Variants in RELN observed in about 807,000 individuals in gnomAD.
RELN encodes reelin.
Under a neutral mutation model 427.6 loss-of-function variants are expected in RELN, and 108 were observed. The ratio of observed to expected loss-of-function variants is 0.25; its 90% CI spans 0.22 to 0.30. The LOEUF (loss-of-function observed/expected upper bound fraction) is 0.30. RELN is among the 10% of genes least tolerant of loss of function. The pLI is 1.00. For missense variants in RELN, 3,715 were observed against 4,302.8 expected (o/e 0.86, Z 3.82); for synonymous variants, 1,524 against 1,513.4 (o/e 1.01, Z -0.16).
At chr7:103,977,288 G>A (rs570332529) in intron 1 of RELN, among the ~76,000 whole-genome samples, 3 of 129,078 alleles carry the variant, frequency 2.3e-5, no homozygotes, top group Non-Finnish European at 4.6e-5. Context: ...TCCAGCCTGG[G>A]TGACAGAGTG....
chr7:103,750,201 C>T (rs1183037435), intron 5 of RELN, among the ~76,000 whole-genome samples: 3 of 152,196 alleles, frequency 2.0e-5, no homozygotes, highest in Non-Finnish European at 4.4e-5. Flanking sequence ...TGGTCTTGAA[C>T]TCCTGACCTC....
In RELN at chr7:103,574,298, A is replaced by T; in HGVS notation, c.4305T>A (p.Ala1435=). The change falls in exon 30 of 65, where the codon GCT becomes GCA. Residue 1435 remains alanine, a splice_region_variant and synonymous_variant. Coordinates refer to ENST00000428762, the MANE Select transcript of RELN (RefSeq NM_005045.4). Reference sequence around the variant, plus strand: ...CATTTGACACACAGGTTCCTTGTGCAGCTTCAGAAAAAGAAATAGAGAGGA... The same window carrying T: ...CATTTGACACACAGGTTCCTTGTGCTGCTTCAGAAAAAGAAATAGAGAGGA... ...GVCFCDLGYT[A]AQGTCVSNVP... 6.2e-7 allele frequency: 1 copy of T among 1,613,808 alleles called. No homozygotes were observed. Among genetic ancestry groups the T allele is most frequent in the Non-Finnish European group, 8.5e-7 (1 of 1,179,676 alleles).
chr7:103,677,578 T>C (rs994410047), intron 11 of RELN, among the ~76,000 whole-genome samples: 14 of 149,454 alleles, frequency 9.4e-5, no homozygotes, highest in Non-Finnish European at 1.8e-4. Flanking sequence ...CGAGCCTGGC[T>C]AACATAGTGA....
At chr7:103,492,461 G>T (rs963129883) in intron 57 of RELN, among the ~76,000 whole-genome samples, 1 of 152,064 alleles carries the variant, frequency 6.6e-6, no homozygotes, top group Non-Finnish European at 1.5e-5. Context: ...ATTCGTTCTT[G>T]GGGTTTTCTG....
rs768149421 is a variant in RELN, at chr7:103,682,309, G to A, written c.1144-48C>T. The stretch of plus-strand genomic sequence containing the variant: ...GGGTGGCTGTTGAATTGGTGTTGTA[G>A]CTGTATCTGTCTTACTCATGTATAA... On this transcript the variant is annotated intron_variant, in intron 10 of 64. Transcript: ENST00000428762. The A allele has an allele frequency of 4.4e-6, 7 of 1,601,630 alleles. No homozygotes were observed. In the Admixed American group the frequency reaches 6.7e-5, roughly 15 times the overall value.
intron 8 of RELN, among the ~76,000 whole-genome samples, chr7:103,711,585 T>C (rs1192390428): frequency 6.6e-6 from 1 of 152,206 alleles, no homozygotes; most frequent in Non-Finnish European, 1.5e-5. Context: ...AAAATATTTA[T>C]ATATGGAAAT....
chr7:103,688,017 G>C (rs1037469551), intron 10 of RELN, among the ~76,000 whole-genome samples: 3 of 151,994 alleles, frequency 2.0e-5, no homozygotes. Flanking sequence ...CCTCTTATTA[G>C]CTTAACAAAT....
chr7:103,635,197 C>A (rs1832552176), intron 19 of RELN, among the ~76,000 whole-genome samples: 1 of 152,034 alleles, frequency 6.6e-6, no homozygotes, highest in African/African-American at 2.4e-5. Flanking sequence ...AAAATATTTC[C>A]CTTAGATCCA....
chr7:103,760,330 T>TAG (rs1008285837), intron 4 of RELN, among the ~76,000 whole-genome samples: 11 of 152,198 alleles, frequency 7.2e-5, no homozygotes, highest in Non-Finnish European at 1.2e-4. Context: ...CAGAATCTCA[T>TAG]AGATCACAGC....
intron 8 of RELN, among the ~76,000 whole-genome samples, chr7:103,704,066 C>T (rs1210681693): frequency 6.6e-6 from 1 of 152,104 alleles, no homozygotes; most frequent in African/African-American, 2.4e-5. Flanking sequence ...TTCTATGCCC[C>T]CAGTTTGGGA....
chr7:103,911,061 C>T (rs201729252), intron 2 of RELN, among the ~76,000 whole-genome samples: 25,109 of 134,200 alleles, frequency 0.19, 2,443 homozygotes, highest in African/African-American at 0.29. Flanking sequence ...TCAGAGTGAA[C>T]AGGCAACCTA....
At chr7:103,978,748 C>G (rs1796931731) in intron 1 of RELN, among the ~76,000 whole-genome samples, 1 of 152,180 alleles carries the variant, frequency 6.6e-6, no homozygotes, top group Admixed American at 6.5e-5. Context: ...TTGGAGTTCT[C>G]TATGTTTAAA....
At chr7:103,690,793 T>C (rs1432883450) in intron 10 of RELN, among the ~76,000 whole-genome samples, 1 of 152,066 alleles carries the variant, frequency 6.6e-6, no homozygotes. Flanking sequence ...CCTACCTCCT[T>C]GATAGTGAAC....
At chr7:103,580,846 C>G (rs1328557745) in intron 28 of RELN, among the ~76,000 whole-genome samples, 1 of 152,168 alleles carries the variant, frequency 6.6e-6, no homozygotes, top group Non-Finnish European at 1.5e-5. Flanking sequence ...GATTTGTATT[C>G]CTTGGCTCCT....
chr7:103,908,055 G>T (rs148802920), intron 2 of RELN, among the ~76,000 whole-genome samples: 1 of 152,042 alleles, frequency 6.6e-6, no homozygotes, highest in African/African-American at 2.4e-5. Flanking sequence ...AACATGAGGT[G>T]GACACCTGGT....
At chr7:103,765,071 A>G (rs889529703) in intron 4 of RELN, among the ~76,000 whole-genome samples, 2 of 151,534 alleles carry the variant, frequency 1.3e-5, no homozygotes, top group Non-Finnish European at 3.0e-5. Context: ...GCCTGGCGAC[A>G]CACACTGCTC....
chr7:103,745,377 A>G (rs546713082), intron 6 of RELN, among the ~76,000 whole-genome samples: 1 of 151,928 alleles, frequency 6.6e-6, no homozygotes, highest in South Asian at 2.1e-4. Context: ...GCCCTCTCTC[A>G]CCACTCCTAT....
intron 2 of RELN, among the ~76,000 whole-genome samples, chr7:103,855,689 C>T (rs1378448917): frequency 6.6e-6 from 1 of 152,148 alleles, no homozygotes; most frequent in Non-Finnish European, 1.5e-5. Context: ...ATCAAGGTGT[C>T]AACAGGGTTA....
At chr7:103,921,794 C>G (rs141599561) in intron 1 of RELN, among the ~76,000 whole-genome samples, 69 of 152,226 alleles carry the variant, frequency 4.5e-4, no homozygotes, top group African/African-American at 1.6e-3. Flanking sequence ...CTGGATTAAA[C>G]AGTTAAACCA....
Sources: gnomAD v4.1 joint callset for allele counts (sites outside exome capture counted in the v4.1 genomes callset) on GRCh38, gnomAD v4.1.1 for gene constraint, MANE v1.5 for transcripts, NCBI Gene and HGNC (gene_info 2026-07-23, HGNC 2026-07-21) for gene names.